BRD10: variants seen among roughly 807,000 people sequenced by gnomAD.
The protein encoded by BRD10 is bromodomain containing 10, also known as uncharacterized bromodomain-containing protein 10.
At chr9:5,969,542 T>C in the BRD10 span, 5 of 744,926 alleles carry the variant, frequency 6.7e-6, no homozygotes, top group Non-Finnish European at 1.0e-5. Flanking sequence ...ACTGTCCTAG[T>C]TTTATTTATT....
chr9:5,987,192 T>C, the BRD10 span, among the ~76,000 whole-genome samples: 1 of 152,210 alleles, frequency 6.6e-6, no homozygotes. Flanking sequence ...TCTTATTGTT[T>C]ATATCACTAC....
chr9:5,901,222 T>C, the BRD10 span, among the ~76,000 whole-genome samples: 1 of 152,158 alleles, frequency 6.6e-6, no homozygotes, highest in Non-Finnish European at 1.5e-5. Context: ...CCTTTTCCAG[T>C]TTATTGCATT....
At chr9:5,897,460 G>A in the BRD10 span, 21 of 1,155,634 alleles carry the variant, frequency 1.8e-5, no homozygotes, top group Middle Eastern at 2.0e-4. Context: ...GCTCTGGGTC[G>A]TCAAAGTCCA....
the BRD10 span, among the ~76,000 whole-genome samples, chr9:5,937,056 CCT>C: frequency 7.9e-5 from 12 of 151,446 alleles, no homozygotes; most frequent in South Asian, 4.2e-4. Flanking sequence ...ATAGTGAACC[CCT>C]GTCTCTATTA....
the BRD10 span, chr9:5,921,676 TTGC>T: frequency 6.2e-7 from 1 of 1,613,818 alleles, no homozygotes; most frequent in South Asian, 1.1e-5. Flanking sequence ...AATCTACTTG[TTGC>T]TGTTTAGTTG....
At chr9:5,889,212 T>G in the BRD10 span, among the ~76,000 whole-genome samples, 2 of 152,220 alleles carry the variant, frequency 1.3e-5, no homozygotes, top group African/African-American at 4.8e-5. Flanking sequence ...CCTAACCACA[T>G]GTCACACAAC....
At chr9:5,971,018 C>T in the BRD10 span, among the ~76,000 whole-genome samples, 1 of 128,550 alleles carries the variant, frequency 7.8e-6, no homozygotes, top group East Asian at 2.3e-4. Flanking sequence ...CACCATTGTA[C>T]TCCAGCCTGG....
the BRD10 span, among the ~76,000 whole-genome samples, chr9:5,953,724 G>GTA: frequency 7.9e-5 from 12 of 150,994 alleles, no homozygotes; most frequent in Non-Finnish European, 1.5e-4. Flanking sequence ...ATACTATATA[G>GTA]TATATATATA....
the BRD10 span, among the ~76,000 whole-genome samples, chr9:5,959,735 A>T: frequency 7.9e-5 from 12 of 152,288 alleles, no homozygotes; most frequent in East Asian, 2.3e-3. Flanking sequence ...AACACTGTAG[A>T]TTACATTACC....
chr9:5,923,720 A>C, the BRD10 span, among the ~76,000 whole-genome samples: 35 of 152,320 alleles, frequency 2.3e-4, no homozygotes, highest in African/African-American at 7.5e-4. Flanking sequence ...ATGGTTCTCC[A>C]ATCTATTCTA....
At chr9:5,969,100 T>C in the BRD10 span, 6 of 1,613,664 alleles carry the variant, frequency 3.7e-6, no homozygotes, top group East Asian at 2.2e-5. Context: ...ACCACTGTTG[T>C]ACTTTCTGCC....
the BRD10 span, among the ~76,000 whole-genome samples, chr9:5,882,745 C>T: frequency 2.0e-5 from 3 of 152,044 alleles, no homozygotes; most frequent in Non-Finnish European, 4.4e-5. Context: ...ACTAGAAATA[C>T]CATTTGACCC....
At chr9:5,999,520 A>C in the BRD10 span, among the ~76,000 whole-genome samples, 1 of 152,068 alleles carries the variant, frequency 6.6e-6, no homozygotes, top group East Asian at 1.9e-4. Flanking sequence ...CATTTCATCT[A>C]TGCATCCCTT....
chr9:5,933,576 T>C, the BRD10 span, among the ~76,000 whole-genome samples: 1 of 152,216 alleles, frequency 6.6e-6, no homozygotes, highest in Non-Finnish European at 1.5e-5. Flanking sequence ...TGGTCTATGG[T>C]CACAAGATTA....
At chr9:5,932,780 T>A in the BRD10 span, among the ~76,000 whole-genome samples, 2 of 152,152 alleles carry the variant, frequency 1.3e-5, no homozygotes, top group African/African-American at 4.8e-5. Flanking sequence ...TATACAATGC[T>A]GTATTTCTTG....
chr9:5,907,082 A>T, the BRD10 span: 1 of 964,428 alleles, frequency 1.0e-6, no homozygotes, highest in South Asian at 1.9e-5. Flanking sequence ...TTTAAAAAGC[A>T]AGGACAATGT....
At chr9:5,996,449 G>C in the BRD10 span, among the ~76,000 whole-genome samples, 1 of 152,078 alleles carries the variant, frequency 6.6e-6, no homozygotes, top group Non-Finnish European at 1.5e-5. Flanking sequence ...CTCCCAAGTA[G>C]CTAAGATTAC....
chr9:5,945,052 C>T, the BRD10 span: 3 of 511,700 alleles, frequency 5.9e-6, no homozygotes, highest in Non-Finnish European at 1.0e-5. Flanking sequence ...ACACTGAATT[C>T]ACAATTATTT....
chr9:5,887,873 G>C, the BRD10 span, among the ~76,000 whole-genome samples: 1 of 152,172 alleles, frequency 6.6e-6, no homozygotes, highest in Non-Finnish European at 1.5e-5. Context: ...TTAGGTCTCA[G>C]TTTAAATTTT....
Sources: gnomAD v4.1 joint callset for allele counts (sites outside exome capture counted in the v4.1 genomes callset) on GRCh38, gnomAD v4.1.1 for gene constraint, MANE v1.5 for transcripts, NCBI Gene and HGNC (gene_info 2026-07-23, HGNC 2026-07-21) for gene names.